Variants in RORA observed in about 807,000 individuals in gnomAD.
RORA encodes the protein nuclear receptor ROR-alpha.
Under a neutral mutation model 69.5 loss-of-function variants are expected in RORA, and 7 were observed. The observed-to-expected ratio is 0.10, with a 90% confidence interval of 0.06 to 0.19. The LOEUF is 0.19. Ranked by LOEUF, RORA falls within the 10% of genes least tolerant of loss-of-function variation. The pLI is 1.00. For synonymous variants in RORA, 261 were observed against 240.8 expected (o/e 1.08, Z -0.78); for missense variants, 457 against 663.0 (o/e 0.69, Z 3.41).
chr15:61,215,252 A>G (rs1223665226), intron 1 of RORA, among the ~76,000 whole-genome samples: 2 of 151,704 alleles, frequency 1.3e-5, no homozygotes, highest in Admixed American at 1.3e-4. Flanking sequence ...CTCAGGTCCT[A>G]TTTCTGCTCT....
chr15:61,104,603 C>T (rs908886045), intron 1 of RORA, among the ~76,000 whole-genome samples: 1 of 152,144 alleles, frequency 6.6e-6, no homozygotes, highest in Non-Finnish European at 1.5e-5. Flanking sequence ...TTAGCTTTTG[C>T]CTACTTCTCC....
chr15:60,989,835 C>T (rs1418928094), intron 1 of RORA, among the ~76,000 whole-genome samples: 1 of 151,256 alleles, frequency 6.6e-6, no homozygotes, highest in African/African-American at 2.4e-5. Context: ...TCCACTCAAA[C>T]ACCCTGAGGT....
intron 1 of RORA, among the ~76,000 whole-genome samples, chr15:60,917,305 G>A (rs1361759553): frequency 6.6e-6 from 1 of 152,170 alleles, no homozygotes; most frequent in Non-Finnish European, 1.5e-5. Context: ...GCCATTTTAT[G>A]TAATAGCTTT....
At position 60,991,656 on chromosome 15, in the gene RORA, C is replaced by T. The variant is rs541771384; in HGVS notation, c.166+237397G>A. ...CTCACACCTGTAATCCCAGCACTTT[C>T]GGAGGCTGAGGCGAGAGGATTGCTT... On this transcript the variant is annotated intron_variant, in intron 1 of 10. Transcript: ENST00000335670. Among the ~76,000 whole-genome samples the T allele has an allele frequency of 1.5e-4, 23 of 152,162 alleles. 1 individual carries two copies. In the South Asian group the frequency reaches 4.4e-3, roughly 29 times the overall value.
chr15:61,051,112 T>A (rs1027975192), intron 1 of RORA, among the ~76,000 whole-genome samples: 34 of 151,874 alleles, frequency 2.2e-4, no homozygotes, highest in African/African-American at 8.2e-4. Flanking sequence ...GCAGGGAGGG[T>A]ATCGTGGGCT....
intron 1 of RORA, among the ~76,000 whole-genome samples, chr15:60,697,300 A>G (rs531974047): frequency 6.6e-6 from 1 of 152,196 alleles, no homozygotes; most frequent in Non-Finnish European, 1.5e-5. Flanking sequence ...TGGAATAAAC[A>G]TCTAGAGCAA....
chr15:60,713,158 A>G (rs938490600), intron 1 of RORA, among the ~76,000 whole-genome samples: 5 of 152,202 alleles, frequency 3.3e-5, no homozygotes, highest in African/African-American at 1.2e-4. Flanking sequence ...CTTCCAAAAG[A>G]AAACAAATGT....
At chr15:60,506,821 T>C (rs1422358292) in intron 5 of RORA, among the ~76,000 whole-genome samples, 1 of 130,438 alleles carries the variant, frequency 7.7e-6, no homozygotes, top group African/African-American at 2.6e-5. Flanking sequence ...ACCCTGTCTC[T>C]ACTGAAAATA....
chr15:60,592,188 A>G (rs980324842), intron 2 of RORA, among the ~76,000 whole-genome samples: 153 of 151,724 alleles, frequency 1.0e-3, no homozygotes, highest in Non-Finnish European at 5.7e-4. Context: ...TTGCCCCCCA[A>G]TCGGAGGCAG....
chr15:61,040,141 T>G (rs1391449066), intron 1 of RORA, among the ~76,000 whole-genome samples: 3 of 118,138 alleles, frequency 2.5e-5, no homozygotes, highest in African/African-American at 6.1e-5. Flanking sequence ...TATATATATA[T>G]ATATATATAT....
At chr15:60,625,171 A>G (rs2069541494) in intron 2 of RORA, among the ~76,000 whole-genome samples, 1 of 152,224 alleles carries the variant, frequency 6.6e-6, no homozygotes, top group Non-Finnish European at 1.5e-5. Flanking sequence ...TGTACTTAAG[A>G]GACACAGACA....
intron 2 of RORA, among the ~76,000 whole-genome samples, chr15:60,614,181 C>T (rs1483411013): frequency 6.6e-6 from 1 of 152,054 alleles, no homozygotes; most frequent in Non-Finnish European, 1.5e-5. Flanking sequence ...TGACAGGCTA[C>T]AATGCCTGTC....
intron 3 of RORA, among the ~76,000 whole-genome samples, chr15:60,522,497 A>C (rs2066202754): frequency 6.6e-6 from 1 of 152,022 alleles, no homozygotes; most frequent in African/African-American, 2.4e-5. Context: ...GTGATGGCCC[A>C]ATGCAGTGGC....
At chr15:60,541,539 G>A (rs8026966) in intron 2 of RORA, among the ~76,000 whole-genome samples, 7,408 of 152,240 alleles carry the variant, frequency 0.049, 644 homozygotes, top group African/African-American at 0.17. Context: ...AGTTATTTCT[G>A]TGCCTATTCC....
chr15:61,105,544 T>A (rs2078940108), intron 1 of RORA, among the ~76,000 whole-genome samples: 1 of 152,208 alleles, frequency 6.6e-6, no homozygotes. Context: ...TACTCTCCTC[T>A]TCTGCCAAGG....
intron 1 of RORA, among the ~76,000 whole-genome samples, chr15:60,961,228 T>A (rs1893405863): frequency 6.6e-6 from 1 of 152,188 alleles, no homozygotes; most frequent in African/African-American, 2.4e-5. Flanking sequence ...CTGATTGGAC[T>A]GTTAGTCACC....
intron 1 of RORA, among the ~76,000 whole-genome samples, chr15:60,798,936 T>C (rs1449834167): frequency 2.0e-5 from 1 of 48,894 alleles, no homozygotes; most frequent in Admixed American, 3.0e-4. Context: ...AATAAAGGAC[T>C]TTTTTTTTTT....
intron 2 of RORA, among the ~76,000 whole-genome samples, chr15:60,538,819 ATTAAG>A (rs2066762461): frequency 6.6e-6 from 1 of 152,158 alleles, no homozygotes; most frequent in Admixed American, 6.5e-5. Flanking sequence ...AAGCCTTATT[ATTAAG>A]TTGACATCTG....
intron 1 of RORA, among the ~76,000 whole-genome samples, chr15:61,198,850 C>T (rs976481505): frequency 6.6e-6 from 1 of 152,096 alleles, no homozygotes; most frequent in Non-Finnish European, 1.5e-5. Context: ...CATACTAATT[C>T]CTATGATTTC....
Sources: allele counts gnomAD v4.1 joint callset (sites outside exome capture counted in the v4.1 genomes callset), GRCh38; gene constraint gnomAD v4.1.1; transcripts MANE v1.5; gene names NCBI Gene and HGNC (gene_info 2026-07-23, HGNC 2026-07-21).